The following CNTNAP2 variants were observed in gnomAD, a reference collection of about 807,000 sequenced individuals.
The protein encoded by CNTNAP2 is contactin-associated protein-like 2.
In CNTNAP2, 98 loss-of-function variants were observed where a neutral mutation model predicts 155.2. That is an observed-to-expected ratio of 0.63 (90% confidence interval 0.54 to 0.75). CNTNAP2 has a LOEUF of 0.75. Ranked by LOEUF, CNTNAP2 falls within the 30% of genes least tolerant of loss-of-function variation. The pLI, the probability that CNTNAP2 is intolerant of heterozygous loss-of-function variation, is 0.00. For synonymous variants in CNTNAP2, 651 were observed against 631.2 expected (o/e 1.03, Z -0.47); for missense variants, 1,727 against 1,688.1 (o/e 1.02, Z -0.40).
At chr7:146,934,396 A>G (rs999805692) in intron 3 of CNTNAP2, among the ~76,000 whole-genome samples, 1 of 139,782 alleles carries the variant, frequency 7.2e-6, no homozygotes, top group Non-Finnish European at 1.5e-5. Context: ...AACAATGAGA[A>G]CACATGGACA....
At chr7:148,314,505 G>C (rs1292884839) in intron 21 of CNTNAP2, among the ~76,000 whole-genome samples, 3 of 152,118 alleles carry the variant, frequency 2.0e-5, no homozygotes, top group Non-Finnish European at 4.4e-5. Context: ...CAGGCTAAGG[G>C]AGAAGAAGGG....
chr7:146,209,294 A>G (rs7793060), intron 1 of CNTNAP2, among the ~76,000 whole-genome samples: 44,317 of 151,976 alleles, frequency 0.29, 7,355 homozygotes, highest in African/African-American at 0.45. Flanking sequence ...CCCTAGCCAC[A>G]GGATTCTCTG....
chr7:147,005,601 T>A (rs922987951), intron 3 of CNTNAP2, among the ~76,000 whole-genome samples: 1 of 152,018 alleles, frequency 6.6e-6, no homozygotes, highest in East Asian at 1.9e-4. Context: ...AAGAAGGATA[T>A]GGGCCAGGGT....
chr7:146,305,588 A>C (rs539111943), intron 1 of CNTNAP2, among the ~76,000 whole-genome samples: 1 of 152,226 alleles, frequency 6.6e-6, no homozygotes, highest in Admixed American at 6.5e-5. Context: ...AGTCTGCAGA[A>C]CGGCAAATAT....
At chr7:147,391,229 A>G (rs1450160276) in intron 9 of CNTNAP2, among the ~76,000 whole-genome samples, 3 of 152,168 alleles carry the variant, frequency 2.0e-5, no homozygotes, top group Non-Finnish European at 4.4e-5. Flanking sequence ...ACTGGTCCAC[A>G]GCAGTTTTGC....
chr7:146,971,129 G>A (rs930595394), intron 3 of CNTNAP2, among the ~76,000 whole-genome samples: 1 of 151,850 alleles, frequency 6.6e-6, no homozygotes, highest in African/African-American at 2.4e-5. Flanking sequence ...AATGGGTGCA[G>A]CACACCAGCA....
chr7:147,904,900 T>TACACACACAC (rs58242194), intron 14 of CNTNAP2, among the ~76,000 whole-genome samples: 59 of 149,200 alleles, frequency 4.0e-4, no homozygotes, highest in Non-Finnish European at 5.9e-4. Context: ...AAGATGTATC[T>TACACACACAC]ACACACACAC....
chr7:147,089,331 T>C lies in CNTNAP2; in HGVS notation c.551-18816T>C, dbSNP rs559854476. Among the ~76,000 whole-genome samples the C allele has an allele frequency of 7.2e-4, 109 of 152,286 alleles. 1 individual carries two copies. The highest frequency in any genetic ancestry group is 3.9e-3 in the Admixed American group (60 of 15,304). On this transcript the variant is annotated intron_variant, in intron 4 of 23. Coordinates refer to ENST00000361727, the MANE Select transcript of CNTNAP2 (RefSeq NM_014141.6). The stretch of plus-strand genomic sequence containing the variant: ...TTGCACTTCTCTGTTTGTCAATGTC[T>C]ATAAATGGTCTCTTTGCAAGGCTTC...
intron 1 of CNTNAP2, among the ~76,000 whole-genome samples, chr7:146,576,053 T>C (rs964339232): frequency 4.6e-5 from 7 of 152,148 alleles, no homozygotes; most frequent in Admixed American, 4.6e-4. Context: ...AACCAACATC[T>C]GTTTGTAATT....
chr7:146,674,206 C>G lies in CNTNAP2; in HGVS notation c.98-100065C>G, dbSNP rs189763596. Among the ~76,000 whole-genome samples the G allele has an allele frequency of 1.6e-4, 25 of 152,228 alleles. No homozygotes were observed. The East Asian group carries it at 4.3e-3, about 26-fold the overall frequency. Reference sequence around the variant, plus strand: ...ATCTTCAAAAATCTAAGTTCTAGTGCTCTTTCAAGACCTCAGAACTGCCTT... The same window carrying G: ...ATCTTCAAAAATCTAAGTTCTAGTGGTCTTTCAAGACCTCAGAACTGCCTT... On this transcript the variant is annotated intron_variant, in intron 1 of 23. Transcript: ENST00000361727.
intron 3 of CNTNAP2, among the ~76,000 whole-genome samples, chr7:146,971,506 A>C (rs1797798555): frequency 6.6e-6 from 1 of 152,184 alleles, no homozygotes; most frequent in African/African-American, 2.4e-5. Flanking sequence ...AATTCCTTAG[A>C]GGTGGATAGC....
intron 10 of CNTNAP2, 27 bp downstream of exon 10, chr7:147,395,807 C>T (rs375866413): frequency 4.8e-5 from 78 of 1,609,908 alleles, no homozygotes; most frequent in African/African-American, 1.6e-4. Flanking sequence ...TCCTACCTCA[C>T]GTTGTCCAAA....
At chr7:147,438,658 G>A (rs1375220571) in intron 10 of CNTNAP2, among the ~76,000 whole-genome samples, 1 of 151,908 alleles carries the variant, frequency 6.6e-6, no homozygotes, top group Non-Finnish European at 1.5e-5. Context: ...AGTTTGAGTA[G>A]GACTGCTACT....
chr7:147,081,583 T>TTGTG (rs5888236), intron 4 of CNTNAP2: 6,534 of 128,216 alleles, frequency 0.051, 208 homozygotes, highest in African/African-American at 0.086. Flanking sequence ...CCCGGCTAAT[T>TTGTG]TGTGTGTGTG....
intron 18 of CNTNAP2, among the ~76,000 whole-genome samples, chr7:148,187,321 G>A (rs949904481): frequency 2.0e-5 from 3 of 152,184 alleles, no homozygotes; most frequent in Admixed American, 6.5e-5. Flanking sequence ...CAAGGGATGT[G>A]ACCAAATAAA....
chr7:146,655,638 A>G (rs1236648343), intron 1 of CNTNAP2, among the ~76,000 whole-genome samples: 1 of 152,046 alleles, frequency 6.6e-6, no homozygotes, highest in African/African-American at 2.4e-5. Context: ...ATCTCCCTAC[A>G]TGTTACCTTT....
At chr7:146,218,377 C>T (rs573451717) in intron 1 of CNTNAP2, among the ~76,000 whole-genome samples, 114 of 152,062 alleles carry the variant, frequency 7.5e-4, no homozygotes, top group African/African-American at 2.4e-3. Flanking sequence ...GGCGTGGTGG[C>T]GGGCGCCCGT....
intron 11 of CNTNAP2, among the ~76,000 whole-genome samples, chr7:147,550,797 C>G (rs1299147137): frequency 6.6e-6 from 1 of 152,048 alleles, no homozygotes; most frequent in Non-Finnish European, 1.5e-5. Flanking sequence ...AGCAGGTAAA[C>G]TAACAAGTAA....
At chr7:147,732,181 T>TCCCCCCCCCCCCCCC (rs199519152) in intron 13 of CNTNAP2, among the ~76,000 whole-genome samples, 147 of 108,500 alleles carry the variant, frequency 1.4e-3, no homozygotes, top group Non-Finnish European at 1.8e-3. Context: ...ATGCTATCCC[T>TCCCCCCCCCCCCCCC]CCCCCCCCCA....
Sources: gnomAD v4.1 joint callset for allele counts (sites outside exome capture counted in the v4.1 genomes callset) on GRCh38, gnomAD v4.1.1 for gene constraint, MANE v1.5 for transcripts, NCBI Gene and HGNC (gene_info 2026-07-23, HGNC 2026-07-21) for gene names.